Variants in CDH18 observed in about 807,000 individuals in gnomAD.
CDH18 encodes cadherin-18.
In CDH18, 31 loss-of-function variants were observed where a neutral mutation model predicts 67.9. That is an observed-to-expected ratio of 0.46 (90% CI 0.34 to 0.62). CDH18 has a LOEUF of 0.62. Among genes scored for constraint, CDH18 ranks in the 20% least tolerant of loss-of-function variants. The pLI is 0.01. For synonymous variants in CDH18, 362 were observed against 347.2 expected (o/e 1.04, Z -0.48); for missense variants, 890 against 975.5 (o/e 0.91, Z 1.17).
At chr5:20,046,984 C>A (rs1740960137) in intron 2 of CDH18, among the ~76,000 whole-genome samples, 1 of 151,638 alleles carries the variant, frequency 6.6e-6, no homozygotes, top group Admixed American at 6.6e-5. Context: ...TGCACATGTA[C>A]CCTAAAACTT....
intron 1 of CDH18, among the ~76,000 whole-genome samples, chr5:20,488,885 A>T (rs1231420118): frequency 6.6e-6 from 1 of 151,970 alleles, no homozygotes; most frequent in Non-Finnish European, 1.5e-5. Flanking sequence ...GCAACAAAGA[A>T]CCTGCGGTTT....
At chr5:20,029,984 T>C (rs11745215) in intron 2 of CDH18, among the ~76,000 whole-genome samples, 115,230 of 152,096 alleles carry the variant, frequency 0.76, 46,824 homozygotes, top group Non-Finnish European at 0.9. Context: ...GTTGTAGGAT[T>C]GAGGTATTGT....
chr5:20,547,687 TGAG>T (rs1757417782), intron 1 of CDH18, among the ~76,000 whole-genome samples: 1 of 152,156 alleles, frequency 6.6e-6, no homozygotes, highest in Non-Finnish European at 1.5e-5. Context: ...GCTTAAATAA[TGAG>T]AAGACAATTT....
At chr5:19,619,252 A>G (rs188796266) in intron 5 of CDH18, among the ~76,000 whole-genome samples, 2 of 152,342 alleles carry the variant, frequency 1.3e-5, no homozygotes, top group East Asian at 3.9e-4. Flanking sequence ...AATGTGGGAT[A>G]TAAACACATA....
At chr5:20,405,141 C>A (rs1311485454) in intron 1 of CDH18, among the ~76,000 whole-genome samples, 1 of 152,032 alleles carries the variant, frequency 6.6e-6, no homozygotes, top group Non-Finnish European at 1.5e-5. Flanking sequence ...CAATCCTAAG[C>A]CAAAAGAACA....
chr5:19,492,276 G>A (rs1741597336), intron 11 of CDH18, among the ~76,000 whole-genome samples: 1 of 152,130 alleles, frequency 6.6e-6, no homozygotes, highest in Non-Finnish European at 1.5e-5. Flanking sequence ...ATTCCCTCAA[G>A]AAACAGCAGG....
At chr5:19,834,252 A>G (rs547582734) in intron 3 of CDH18, among the ~76,000 whole-genome samples, 2 of 151,192 alleles carry the variant, frequency 1.3e-5, no homozygotes, top group South Asian at 4.2e-4. Flanking sequence ...GCTTAGTCGT[A>G]GTAGGGTGTA....
chr5:19,884,678 G>C (rs1788013008), intron 2 of CDH18, among the ~76,000 whole-genome samples: 1 of 151,798 alleles, frequency 6.6e-6, no homozygotes, highest in Non-Finnish European at 1.5e-5. Flanking sequence ...TTAAATACTT[G>C]TAACAATCCT....
intron 1 of CDH18, among the ~76,000 whole-genome samples, chr5:20,256,957 C>A (rs1744282973): frequency 7.4e-6 from 1 of 135,864 alleles, no homozygotes; most frequent in Non-Finnish European, 1.7e-5. Context: ...ATCTATCTAT[C>A]TATCTAATCT....
intron 1 of CDH18, among the ~76,000 whole-genome samples, chr5:20,277,466 T>C (rs1745895664): frequency 6.6e-6 from 1 of 152,134 alleles, no homozygotes; most frequent in Admixed American, 6.6e-5. Context: ...GTGCCTCCAG[T>C]GCAGATTGGC....
At chr5:19,754,934 T>G (rs1771331818) in intron 3 of CDH18, among the ~76,000 whole-genome samples, 1 of 151,980 alleles carries the variant, frequency 6.6e-6, no homozygotes, top group South Asian at 2.1e-4. Flanking sequence ...AACAAAAGGA[T>G]GGAAATTGAA....
Position 19,612,614 on chromosome 5 carries a change from T to C in CDH18, c.644-13A>G, listed in dbSNP as rs1749173586. On this transcript the variant is annotated splice_polypyrimidine_tract_variant and intron_variant, in intron 5 of 12. Transcript: ENST00000382275. ...GTTCTAATAACTCCTGTAATAGATA[T>C]ATTTTAATAAACAGTATGAGCTATA... 2 of 1,588,602 alleles carry C rather than the reference T, an allele frequency of 1.3e-6. No individual in the cohort carries two copies. The highest frequency in any genetic ancestry group is 1.7e-6 in the Non-Finnish European group (2 of 1,157,040).
chr5:20,354,280 G>A (rs1433085088), intron 1 of CDH18, among the ~76,000 whole-genome samples: 1 of 152,002 alleles, frequency 6.6e-6, no homozygotes, highest in Non-Finnish European at 1.5e-5. Flanking sequence ...TTAAATTGAG[G>A]GAATCCTCCT....
intron 2 of CDH18, among the ~76,000 whole-genome samples, chr5:19,882,460 T>G (rs1046090753): frequency 1.3e-5 from 2 of 152,136 alleles, no homozygotes; most frequent in African/African-American, 4.8e-5. Context: ...TTAAGTCAAA[T>G]GAATCTTAAG....
intron 2 of CDH18, among the ~76,000 whole-genome samples, chr5:20,232,783 C>T (rs1376141225): frequency 6.6e-6 from 1 of 152,008 alleles, no homozygotes; most frequent in Non-Finnish European, 1.5e-5. Context: ...TGAAAGTTAT[C>T]TTTAACCATA....
chr5:20,230,921 A>T (rs1742018983), intron 2 of CDH18, among the ~76,000 whole-genome samples: 1 of 152,302 alleles, frequency 6.6e-6, no homozygotes, highest in Non-Finnish European at 1.5e-5. Context: ...AGAGAGGGAA[A>T]AAAGAAATAA....
At chr5:19,650,620 A>C (rs1294678919) in intron 5 of CDH18, among the ~76,000 whole-genome samples, 2 of 152,082 alleles carry the variant, frequency 1.3e-5, no homozygotes, top group Admixed American at 1.3e-4. Flanking sequence ...TTCTCATGCC[A>C]ATCCCTGTAC....
chr5:19,519,754 T>C (rs1746594980), intron 10 of CDH18, among the ~76,000 whole-genome samples: 1 of 152,150 alleles, frequency 6.6e-6, no homozygotes, highest in African/African-American at 2.4e-5. Flanking sequence ...AAGCAACTGC[T>C]TGTGGTATCT....
intron 1 of CDH18, chr5:20,304,239 A>G: frequency 6.4e-7 from 1 of 1,560,346 alleles, no homozygotes; most frequent in Non-Finnish European, 8.8e-7. Context: ...GCATTCAGCA[A>G]TATGTTGCCT....
Sources: allele counts gnomAD v4.1 joint callset (sites outside exome capture counted in the v4.1 genomes callset), GRCh38; gene constraint gnomAD v4.1.1; transcripts MANE v1.5; gene names NCBI Gene and HGNC (gene_info 2026-07-23, HGNC 2026-07-21).